Variants in PCDHA3 observed in about 807,000 individuals in gnomAD.
PCDHA3 encodes protocadherin alpha-3.
Under a neutral mutation model 62.2 loss-of-function variants are expected in PCDHA3, and 41 were observed. The observed-to-expected ratio is 0.66, with a 90% confidence interval of 0.51 to 0.86. The LOEUF is 0.86. Among genes scored for constraint, PCDHA3 ranks in the 40% least tolerant of loss-of-function variants. PCDHA3 has a pLI of 0.00. For missense variants in PCDHA3, 1,304 were observed against 1,241.2 expected, an observed-to-expected ratio of 1.05 and a Z score of -0.76; for synonymous variants, 640 against 555.4, an observed-to-expected ratio of 1.15 and a Z score of -2.14.
intron 1 of PCDHA3, among the ~76,000 whole-genome samples, chr5:140,957,345 A>G (rs1375707193): frequency 6.6e-6 from 1 of 152,170 alleles, no homozygotes; most frequent in Admixed American, 6.5e-5. Flanking sequence ...ATTTTGAGAG[A>G]GAGACCACAT....
intron 1 of PCDHA3, chr5:140,843,640 C>G: frequency 6.3e-7 from 1 of 1,595,494 alleles, no homozygotes; most frequent in Non-Finnish European, 8.6e-7. Flanking sequence ...TGGCCTTCAG[C>G]CCCTGCCTTC....
chr5:140,931,759 T>C (rs2087738384), intron 1 of PCDHA3, among the ~76,000 whole-genome samples: 2 of 151,994 alleles, frequency 1.3e-5, no homozygotes, highest in African/African-American at 4.8e-5. Flanking sequence ...GCATTTGTTA[T>C]TTACTTCTTC....
chr5:140,920,817 C>A (rs1430508925), intron 1 of PCDHA3, among the ~76,000 whole-genome samples: 1 of 150,498 alleles, frequency 6.6e-6, no homozygotes, highest in African/African-American at 2.5e-5. Flanking sequence ...GCACTCCAGC[C>A]TGGCGACGGA....
At chr5:140,804,812 C>T (rs1763464693) in intron 1 of PCDHA3, 2 of 318,880 alleles carry the variant, frequency 6.3e-6, no homozygotes, top group Non-Finnish European at 5.7e-6. Flanking sequence ...TAGTAACCAA[C>T]TGAAACCTGG....
chr5:140,836,754 T>C lies in PCDHA3; in HGVS notation c.2394+33163T>C, dbSNP rs2150269259. 5 of 1,577,604 alleles carry C rather than the reference T, an allele frequency of 3.2e-6. 1 individual carries two copies. In the African/African-American group the frequency reaches 6.8e-5, roughly 22 times the overall value. On this transcript the variant is annotated intron_variant, in intron 1 of 3. Coordinates refer to ENST00000522353, the MANE Select transcript of PCDHA3 (RefSeq NM_018906.3). ...TACAGACAATGTGAGTCATAAATAA[T>C]CTTGTTTCCAACAATTTTAAAACAA...
intron 1 of PCDHA3, chr5:140,843,791 A>G (rs2150366777): frequency 7.3e-7 from 1 of 1,376,400 alleles, no homozygotes; most frequent in Admixed American, 2.2e-5. Flanking sequence ...TTTCAGATTT[A>G]GTTTTTCACC....
rs782346022 is a variant in PCDHA3 at position 140,877,702 on chromosome 5, G to A, written c.2394+74111G>A. On this transcript the variant is annotated intron_variant, in intron 1 of 3. Coordinates refer to ENST00000522353, the MANE Select transcript of PCDHA3 (RefSeq NM_018906.3). Reference sequence around the variant, plus strand: ...CAAGCCCACGCTGGTGTGCTCCAGCGCCGTGGGGAGTTGGTCTTACTCGCA... The same window carrying A: ...CAAGCCCACGCTGGTGTGCTCCAGCACCGTGGGGAGTTGGTCTTACTCGCA... 52 of 1,613,876 alleles carry A rather than the reference G, an allele frequency of 3.2e-5. No homozygotes were observed. In the Admixed American group the frequency reaches 8.7e-4, roughly 27 times the overall value.
intron 1 of PCDHA3, chr5:140,808,228 C>T (rs1764128593): frequency 1.2e-6 from 2 of 1,614,106 alleles, no homozygotes; most frequent in African/African-American, 2.7e-5. Context: ...ACGATAATGT[C>T]CCAGATTTGG....
In PCDHA3 at chr5:140,841,444, C is replaced by T. The variant is rs2150315677; in HGVS notation, c.2394+37853C>T. 15 of 1,612,806 alleles carry T rather than the reference C, an allele frequency of 9.3e-6. 1 individual carries two copies. The highest frequency in any genetic ancestry group is 1.3e-5 in the African/African-American group (1 of 74,834). ...ACTCCGTCCCCGAGGAGGCCAAACACGGCACCTTCGTGGGCCGGATCGCGC... is the reference window on the plus strand; with the variant it reads ...ACTCCGTCCCCGAGGAGGCCAAACATGGCACCTTCGTGGGCCGGATCGCGC... On this transcript the variant is annotated intron_variant, in intron 1 of 3. Transcript: ENST00000522353.
At chr5:140,987,431 C>G (rs187493051) in intron 3 of PCDHA3, among the ~76,000 whole-genome samples, 1 of 152,232 alleles carries the variant, frequency 6.6e-6, no homozygotes, top group East Asian at 1.9e-4. Context: ...AGCAGGGGGC[C>G]TTTCCCCATG....
rs202032784 is a variant in PCDHA3, at chr5:140,927,180, C to T, written c.2395-51769C>T. On this transcript the variant is annotated intron_variant, in intron 1 of 3. Coordinates refer to ENST00000522353, the MANE Select transcript of PCDHA3 (RefSeq NM_018906.3). ...GGGCCAAAGCTGCCTGCGTCTTGAC[C>T]TACGACCTGGTGCTCGAGGACCCGC... is the stretch of plus-strand genomic sequence containing the variant. 5 of 1,614,048 alleles carry T rather than the reference C, an allele frequency of 3.1e-6. No homozygotes were observed. The South Asian group carries it at 3.3e-5, about 11-fold the overall frequency.
chr5:140,990,852 A>T (rs1265916406), intron 3 of PCDHA3, among the ~76,000 whole-genome samples: 2 of 152,198 alleles, frequency 1.3e-5, no homozygotes, highest in Non-Finnish European at 1.5e-5. Context: ...TAGAGCCCTG[A>T]GGACATTGTA....
chr5:140,836,597 T>A (rs2150265046), intron 1 of PCDHA3: 1 of 1,613,676 alleles, frequency 6.2e-7, no homozygotes, highest in Admixed American at 1.7e-5. Flanking sequence ...TAAAGCCCAC[T>A]CTGGTGTGCT....
chr5:140,855,777 G>T (rs1004478743), intron 1 of PCDHA3: 3 of 402,200 alleles, frequency 7.5e-6, no homozygotes, highest in Non-Finnish European at 1.3e-5. Context: ...ATAAAAATAC[G>T]TAAAAAAAGA....
chr5:140,856,141 C>T (rs782290263), intron 1 of PCDHA3: 3 of 1,598,260 alleles, frequency 1.9e-6, no homozygotes, highest in Middle Eastern at 1.7e-4. Context: ...GCCAGCTCCA[C>T]TACTCAGTCT....
In PCDHA3 at chr5:140,838,575, T is replaced by G. The variant is rs1333635354; in HGVS notation, c.2394+34984T>G. Among the ~76,000 whole-genome samples the G allele has an allele frequency of 2.6e-5, 4 of 152,148 alleles. No homozygotes were observed. In the East Asian group the frequency reaches 7.7e-4, roughly 29 times the overall value. The stretch of plus-strand genomic sequence containing the variant: ...TTCATCCAGTACTGTATTAGGGACA[T>G]TAATGAAACAATAACCGAATTGTCT... On this transcript the variant is annotated intron_variant, in intron 1 of 3. Coordinates refer to ENST00000522353, the MANE Select transcript of PCDHA3 (RefSeq NM_018906.3).
chr5:140,926,651 C>T, intron 1 of PCDHA3: 1 of 496,446 alleles, frequency 2.0e-6, no homozygotes, highest in Non-Finnish European at 3.3e-6. Context: ...CCGGCCGGCT[C>T]CGCTTTCCCA....
At chr5:140,982,240 A>G (rs1257297614) in intron 2 of PCDHA3, 14 of 694,558 alleles carry the variant, frequency 2.0e-5, no homozygotes, top group Admixed American at 3.6e-5. Flanking sequence ...CAGAATTGCC[A>G]TAAAGATAGA....
chr5:140,959,254 G>A (rs1318438220), intron 1 of PCDHA3, among the ~76,000 whole-genome samples: 3 of 152,054 alleles, frequency 2.0e-5, no homozygotes, highest in Non-Finnish European at 2.9e-5. Context: ...GTGCATGACT[G>A]TAGTCCCAGC....
Sources: allele counts gnomAD v4.1 joint callset (sites outside exome capture counted in the v4.1 genomes callset), GRCh38; gene constraint gnomAD v4.1.1; transcripts MANE v1.5; gene names NCBI Gene and HGNC (gene_info 2026-07-23, HGNC 2026-07-21).